GLUD1: variants seen among roughly 807,000 people sequenced by gnomAD.
The protein encoded by GLUD1 is glutamate dehydrogenase 1, mitochondrial.
GLUD1 carries 22 observed loss-of-function variants against 56.0 expected under a neutral mutation model. The ratio of observed to expected loss-of-function variants is 0.39; its 90% CI spans 0.28 to 0.56. The LOEUF (loss-of-function observed/expected upper bound fraction) is 0.56, where lower values mean the gene tolerates loss of function less well. Ranked by LOEUF, GLUD1 falls within the 20% of genes least tolerant of loss-of-function variation. GLUD1 has a pLI of 0.58. For missense variants in GLUD1, 451 were observed against 732.0 expected (o/e 0.62, Z 4.43); for synonymous variants, 223 against 269.9 (o/e 0.83, Z 1.70).
chr10:87,091,422 T>A (rs1841507581), intron 1 of GLUD1: 1 of 153,278 alleles, frequency 6.5e-6, no homozygotes, highest in Non-Finnish European at 1.4e-5. Context: ...CTGGGAAAGT[T>A]AATAGAACAA....
chr10:87,089,209 G>T (rs1206898263), intron 1 of GLUD1, among the ~76,000 whole-genome samples: 2 of 152,172 alleles, frequency 1.3e-5, no homozygotes, highest in Non-Finnish European at 2.9e-5. Context: ...TTCTCAATCA[G>T]CGCTTACAAT....
Position 87,060,191 on chromosome 10 carries a change from G to T in GLUD1, c.1248C>A (p.Ile416=). 6.2e-7 allele frequency: 1 copy of T among 1,609,252 alleles called. No individual in the cohort carries two copies. The highest frequency in any genetic ancestry group is 8.5e-7 in the Non-Finnish European group (1 of 1,175,594). The change falls in exon 9 of 13, where the codon ATC becomes ATA. Residue 416 remains isoleucine, a synonymous_variant. Coordinates refer to ENST00000277865, the MANE Select transcript of GLUD1 (RefSeq NM_005271.5). ...NGPTTPEADK[I]FLERNIMVIP... Reference sequence around the variant, plus strand: ...TAACCATAATGTTTCTCTCCAGGAAGATCTTGTCAGCTTCTGGAGTTGTTG... The same window carrying T: ...TAACCATAATGTTTCTCTCCAGGAATATCTTGTCAGCTTCTGGAGTTGTTG...
chr10:87,075,420 A>G (rs1053283457), intron 3 of GLUD1, among the ~76,000 whole-genome samples: 1 of 152,274 alleles, frequency 6.6e-6, no homozygotes, highest in African/African-American at 2.4e-5. Context: ...CAAAAGACTC[A>G]TAAAAACAAA....
chr10:87,076,701 A>C (rs1343514880), intron 1 of GLUD1, 45 bp from the exon 2 acceptor site: 2 of 1,071,520 alleles, frequency 1.9e-6, no homozygotes, highest in Non-Finnish European at 2.9e-6. Flanking sequence ...GTGAGAAAGA[A>C]GGGGTTATAT....
chr10:87,071,119 ACT>A (rs1207010021), intron 4 of GLUD1, among the ~76,000 whole-genome samples: 5 of 151,200 alleles, frequency 3.3e-5, no homozygotes, highest in Non-Finnish European at 5.9e-5. Flanking sequence ...ACACAGCAAG[ACT>A]CTGTCTCAAA....
At chr10:87,081,595 T>A (rs1841255636) in intron 1 of GLUD1, among the ~76,000 whole-genome samples, 1 of 152,148 alleles carries the variant, frequency 6.6e-6, no homozygotes, top group Admixed American at 6.5e-5. Flanking sequence ...CATTTTGTTC[T>A]GTACTAAGAA....
intron 4 of GLUD1, among the ~76,000 whole-genome samples, chr10:87,070,561 T>C (rs1846205373): frequency 6.6e-6 from 1 of 152,108 alleles, no homozygotes; most frequent in Admixed American, 6.5e-5. Context: ...ATCACGCCAC[T>C]GAGCTCCAGC....
chr10:87,055,040 A>G (rs1051795131), intron 11 of GLUD1, among the ~76,000 whole-genome samples: 15 of 152,274 alleles, frequency 9.9e-5, no homozygotes, highest in African/African-American at 3.1e-4. Flanking sequence ...ATGTGATGTA[A>G]TCACTCAGGA....
chr10:87,059,476 GAA>G (rs35013042), intron 9 of GLUD1, among the ~76,000 whole-genome samples: 6,805 of 149,982 alleles, frequency 0.045, 388 homozygotes, highest in Admixed American at 0.12. Context: ...TTCTATTTAG[GAA>G]AAAAAAAAAA....
intron 1 of GLUD1, chr10:87,093,992 A>G (rs1268822096): frequency 1.4e-6 from 2 of 1,440,008 alleles, no homozygotes; most frequent in African/African-American, 2.8e-5. Context: ...CTTTCCTAGA[A>G]GTGCATTTCG....
At chr10:87,061,190 T>A in intron 6 of GLUD1, 138 bp from the exon 7 acceptor site, 1 of 850,390 alleles carries the variant, frequency 1.2e-6, no homozygotes, top group Non-Finnish European at 2.0e-6. Context: ...AGAAACAATG[T>A]ACTAACTGGT....
chr10:87,061,114 T>C, intron 6 of GLUD1, 62 bp from the exon 7 acceptor site: 1 of 1,438,862 alleles, frequency 6.9e-7, no homozygotes, highest in Non-Finnish European at 9.8e-7. Context: ...GCAAGAGTCA[T>C]ATTTTGACCA....
chr10:87,086,416 ATC>A (rs918699252), intron 1 of GLUD1, among the ~76,000 whole-genome samples: 6 of 152,102 alleles, frequency 3.9e-5, no homozygotes, highest in Non-Finnish European at 8.8e-5. Flanking sequence ...AAAATGTTTT[ATC>A]TGTCTTTTCT....
chr10:87,089,210 C>T (rs1041812346), intron 1 of GLUD1, among the ~76,000 whole-genome samples: 1 of 152,138 alleles, frequency 6.6e-6, no homozygotes, highest in Non-Finnish European at 1.5e-5. Context: ...TCTCAATCAG[C>T]GCTTACAATT....
intron 1 of GLUD1, chr10:87,092,603 T>C (rs1419524549): frequency 1.0e-6 from 1 of 979,082 alleles, no homozygotes; most frequent in Non-Finnish European, 1.2e-6. Flanking sequence ...AACGAGTTGC[T>C]TCAGTGAGTT....
chr10:87,069,330 C>T (rs948805837), intron 4 of GLUD1, among the ~76,000 whole-genome samples: 4 of 151,968 alleles, frequency 2.6e-5, no homozygotes, highest in Admixed American at 6.6e-5. Flanking sequence ...GCCTGACCAA[C>T]ATGGTGAAAC....
At chr10:87,064,979 A>C (rs1046531102) in intron 5 of GLUD1, among the ~76,000 whole-genome samples, 2 of 152,170 alleles carry the variant, frequency 1.3e-5, no homozygotes, top group Non-Finnish European at 2.9e-5. Flanking sequence ...GTTTCAGTTC[A>C]CATCTAGAAA....
chr10:87,093,800 T>G, intron 1 of GLUD1: 1 of 631,824 alleles, frequency 1.6e-6, no homozygotes, highest in East Asian at 6.7e-5. Flanking sequence ...TTCCTTTGGT[T>G]AATAAAACTG....
At position 87,068,141 on chromosome 10, in the gene GLUD1, C is replaced by T. The variant is rs1404687398; in HGVS notation, c.663G>A (p.Val221=). Residue 221 remains valine, a synonymous_variant, in exon 5 of 13, where the codon GTG becomes GTA. Transcript: ENST00000277865. ...CACCTGTGCTCATGTCTGGAGCAGGCACATCAATGCCAGGACCTGCGGGGG... is the reference window on the plus strand; with the variant it reads ...CACCTGTGCTCATGTCTGGAGCAGGTACATCAATGCCAGGACCTGCGGGGG... ...KKGFIGPGID[V]PAPDMSTGER... is the part of the protein sequence containing the mutation. 6.2e-7 allele frequency: 1 copy of T among 1,610,752 alleles called. No homozygotes were observed. The highest frequency in any genetic ancestry group is 8.5e-7 in the Non-Finnish European group (1 of 1,177,092).
Sources: gnomAD v4.1 joint callset for allele counts (sites outside exome capture counted in the v4.1 genomes callset) on GRCh38, gnomAD v4.1.1 for gene constraint, MANE v1.5 for transcripts, NCBI Gene and HGNC (gene_info 2026-07-23, HGNC 2026-07-21) for gene names.